Variants in SERPINE2 observed in about 807,000 individuals in gnomAD.
SERPINE2 encodes serpin family E member 2.
In SERPINE2, 14 loss-of-function variants were observed where a neutral mutation model predicts 36.3. The ratio of observed to expected loss-of-function variants is 0.39; its 90% CI spans 0.25 to 0.60. SERPINE2 has a LOEUF of 0.60. SERPINE2 is among the 20% of genes least tolerant of loss of function. The pLI is 0.57. For missense variants in SERPINE2, 418 were observed against 499.6 expected, an observed-to-expected ratio of 0.84 and a Z score of 1.56; for synonymous variants, 192 against 191.8, an observed-to-expected ratio of 1.00 and a Z score of -0.01.
At position 223,984,796 on chromosome 2, in the gene SERPINE2, C is replaced by A; in HGVS notation, c.840G>T (p.Trp280Cys). The change falls in exon 5 of 9, where the codon TGG becomes TGT. Residue 280 changes from tryptophan to cysteine, a missense_variant. Trp to Cys is a radical substitution (Grantham distance 215). Transcript: ENST00000409304. ...PHISTKTIDS[W>C]MSIMVPKRVQ... ...CCCTCTTGGGCACCATGATGCTCAT[C>A]CAGCTGTCTATGGTCTTGGTGCTGA... 6.2e-7 allele frequency: 1 copy of A among 1,613,664 alleles called. No individual in the cohort carries two copies. The highest frequency in any genetic ancestry group is 1.1e-5 in the South Asian group (1 of 91,038).
At chr2:224,015,882 C>T (rs371165822) in intron 1 of SERPINE2, among the ~76,000 whole-genome samples, 6 of 152,112 alleles carry the variant, frequency 3.9e-5, no homozygotes, top group East Asian at 1.9e-4. Context: ...TCTCCAATCA[C>T]GTATCTGTCA....
At chr2:224,001,541 G>A in intron 2 of SERPINE2, 101 bp downstream of exon 2, 1 of 1,384,116 alleles carries the variant, frequency 7.2e-7, no homozygotes, top group East Asian at 2.4e-5. Context: ...CCTTCTGGCT[G>A]CTCTGCTTCT....
intron 4 of SERPINE2, among the ~76,000 whole-genome samples, chr2:223,990,918 C>T (rs970143277): frequency 6.6e-6 from 1 of 152,114 alleles, no homozygotes; most frequent in Non-Finnish European, 1.5e-5. Context: ...GTCGAGGCTG[C>T]GGTGAGCCAT....
At chr2:224,038,756 C>T (rs1692612669) in intron 1 of SERPINE2, 4 of 540,278 alleles carry the variant, frequency 7.4e-6, no homozygotes, top group Non-Finnish European at 1.3e-5. Context: ...GCTCGGATGG[C>T]CGGGCAGGAG....
At chr2:224,018,932 C>T (rs1691891751) in intron 1 of SERPINE2, among the ~76,000 whole-genome samples, 1 of 152,206 alleles carries the variant, frequency 6.6e-6, no homozygotes, top group African/African-American at 2.4e-5. Flanking sequence ...CATCTCTCTG[C>T]CTGCACTGCC....
intron 1 of SERPINE2, among the ~76,000 whole-genome samples, chr2:224,020,896 A>G (rs1691976578): frequency 6.6e-6 from 1 of 152,084 alleles, no homozygotes; most frequent in Admixed American, 6.5e-5. Context: ...CTGAAGCCCC[A>G]CTCCTAAATT....
chr2:223,987,574 T>C (rs1690484976), intron 4 of SERPINE2, among the ~76,000 whole-genome samples: 1 of 152,198 alleles, frequency 6.6e-6, no homozygotes. Context: ...GTATAATAGG[T>C]TGATTCATTC....
intron 1 of SERPINE2, among the ~76,000 whole-genome samples, chr2:224,002,656 C>CA (rs1485406982): frequency 9.5e-6 from 1 of 105,222 alleles, no homozygotes; most frequent in African/African-American, 3.3e-5. Context: ...ACTCGTCTGG[C>CA]AATTTTTTTT....
chr2:224,028,251 T>C (rs1436278146), intron 1 of SERPINE2, among the ~76,000 whole-genome samples: 2 of 152,204 alleles, frequency 1.3e-5, no homozygotes, highest in African/African-American at 4.8e-5. Context: ...GTATTTCCTA[T>C]TTCCCATTTC....
intron 1 of SERPINE2, among the ~76,000 whole-genome samples, chr2:224,015,890 T>C (rs1449297881): frequency 6.6e-6 from 1 of 152,166 alleles, no homozygotes; most frequent in Non-Finnish European, 1.5e-5. Flanking sequence ...CACGTATCTG[T>C]CAAGGGACTA....
chr2:223,988,138 C>T (rs564170957), intron 4 of SERPINE2, among the ~76,000 whole-genome samples: 2 of 152,160 alleles, frequency 1.3e-5, no homozygotes, highest in Admixed American at 6.5e-5. Flanking sequence ...TGCTAAGGAA[C>T]GATGGGTTGA....
intron 4 of SERPINE2, among the ~76,000 whole-genome samples, chr2:223,990,104 A>C (rs1034835091): frequency 1.3e-4 from 20 of 152,110 alleles, no homozygotes; most frequent in African/African-American, 4.8e-4. Context: ...GGGCTTGGGA[A>C]GTTAGTACCC....
chr2:224,001,821 A>G lies in SERPINE2; in HGVS notation c.80T>C (p.Leu27Pro). ...CCCCGTGTTGGAGCCTAGTTCCTCG[A>G]GAGACAGAGGATTGAAGTGGGAGCA... The part of the protein sequence containing the change: ...SICSHFNPLS[L>P]EELGSNTGIQ... The change falls in exon 2 of 9, where the codon CTC becomes CCC. Residue 27 changes from leucine to proline, a missense_variant. Transcript: ENST00000409304. 2 of 1,614,094 alleles carry G rather than the reference A, an allele frequency of 1.2e-6. No homozygotes were observed. Among genetic ancestry groups the G allele is most frequent in the Non-Finnish European group, 1.7e-6 (2 of 1,180,012 alleles).
intron 1 of SERPINE2, among the ~76,000 whole-genome samples, chr2:224,002,554 G>A (rs1368850682): frequency 7.9e-5 from 12 of 151,672 alleles, no homozygotes; most frequent in Non-Finnish European, 1.6e-4. Context: ...GTGCAGTGGC[G>A]CAATCTCGGC....
At position 224,010,749 on chromosome 2, in the gene SERPINE2, A is replaced by T. The variant is rs1021617947; in HGVS notation, c.-22-8827T>A. 2.0e-5 allele frequency among the ~76,000 whole-genome samples: 3 copies of T among 152,210 alleles called. 1 individual carries two copies. The highest frequency in any genetic ancestry group is 6.5e-5 in the Admixed American group (1 of 15,276). On this transcript the variant is annotated intron_variant, in intron 1 of 8. Coordinates refer to ENST00000409304, the MANE Select transcript of SERPINE2 (RefSeq NM_001136528.2). The stretch of plus-strand genomic sequence containing the variant: ...TCAATAGGTGCAAACTGAAAGACAT[A>T]GTAACCAGCCTAATACCTGGCTCAG...
chr2:224,016,857 G>GA (rs1691816588), intron 1 of SERPINE2, among the ~76,000 whole-genome samples: 1 of 152,176 alleles, frequency 6.6e-6, no homozygotes, highest in African/African-American at 2.4e-5. Flanking sequence ...ATGCTGAATG[G>GA]AAAAGCCTAT....
Position 223,991,816 on chromosome 2 carries a change from G to A in SERPINE2, c.672C>T (p.Ser224=), listed in dbSNP as rs567794227. ...SYQVPMLAQL[S]VFRCGSTSAP... ...GCATGAACTCACCACACCGGAACAC[G>A]GAGAGCTGGGCCAGCATTGGCACTT... Residue 224 remains serine, a synonymous_variant, in exon 4 of 9, where the codon TCC becomes TCT. Coordinates refer to ENST00000409304, the MANE Select transcript of SERPINE2 (RefSeq NM_001136528.2). The A allele has an allele frequency of 8.7e-6, 14 of 1,613,954 alleles. No homozygotes were observed. Among genetic ancestry groups the A allele is most frequent in the African/African-American group, 2.7e-5 (2 of 75,052 alleles).
chr2:224,024,276 T>G (rs750148917), intron 1 of SERPINE2, among the ~76,000 whole-genome samples: 40 of 152,124 alleles, frequency 2.6e-4, no homozygotes, highest in Non-Finnish European at 5.1e-4. Flanking sequence ...AAAAATTTTG[T>G]AAAAAGGTGA....
intron 4 of SERPINE2, among the ~76,000 whole-genome samples, chr2:223,988,805 T>G (rs894151797): frequency 6.6e-6 from 1 of 152,178 alleles, no homozygotes; most frequent in African/African-American, 2.4e-5. Flanking sequence ...TGGCTTTCCA[T>G]AGGATAGCAT....
Sources: gnomAD v4.1 joint callset for allele counts (sites outside exome capture counted in the v4.1 genomes callset) on GRCh38, gnomAD v4.1.1 for gene constraint, MANE v1.5 for transcripts, NCBI Gene and HGNC (gene_info 2026-07-23, HGNC 2026-07-21) for gene names.